Variants in VPS13B observed in about 807,000 individuals in gnomAD.
VPS13B encodes vacuolar protein sorting 13 homolog B, also known as intermembrane lipid transfer protein VPS13B.
In VPS13B, 285 loss-of-function variants were observed where a neutral mutation model predicts 426.4. The ratio of observed to expected loss-of-function variants is 0.67; its 90% CI spans 0.61 to 0.74. The LOEUF (loss-of-function observed/expected upper bound fraction) is 0.74, where lower values mean the gene tolerates loss of function less well. VPS13B is among the 30% of genes least tolerant of loss of function. VPS13B has a pLI of 0.00. For missense variants in VPS13B, 4,537 were observed against 4,782.6 expected, an observed-to-expected ratio of 0.95 and a Z score of 1.51; for synonymous variants, 1,676 against 1,676.4, an observed-to-expected ratio of 1.00 and a Z score of 0.01.
intron 3 of VPS13B, among the ~76,000 whole-genome samples, chr8:99,069,358 A>C (rs1406592668): frequency 6.6e-6 from 1 of 152,196 alleles, no homozygotes; most frequent in Non-Finnish European, 1.5e-5. Context: ...GGATTGAGCC[A>C]GGAAGGTTGA....
intron 37 of VPS13B, among the ~76,000 whole-genome samples, chr8:99,717,644 C>T (rs1832975920): frequency 6.6e-6 from 1 of 152,054 alleles, no homozygotes; most frequent in African/African-American, 2.4e-5. Flanking sequence ...TTACCACCAA[C>T]AAAAAAACCC....
At chr8:99,550,497 CT>C in intron 30 of VPS13B, among the ~76,000 whole-genome samples, 1 of 151,082 alleles carries the variant, frequency 6.6e-6, no homozygotes, top group South Asian at 2.1e-4. Context: ...GTTATGTTTC[CT>C]TTTTTCTTGC....
chr8:99,585,366 G>T (rs1826252563), intron 33 of VPS13B, among the ~76,000 whole-genome samples: 1 of 152,024 alleles, frequency 6.6e-6, no homozygotes, highest in South Asian at 2.1e-4. Flanking sequence ...ATTTGAAGTG[G>T]CATTCAATAA....
rs200829327 is a variant in VPS13B at position 99,708,843 on chromosome 8, C to CTA, written c.6455-8327_6455-8326insAT. On this transcript the variant is annotated intron_variant, in intron 36 of 61. Transcript: ENST00000357162. ...TCTCTCTCTCTGTCTCTCTCTCTCT[C>CTA]TCTCTCTATATATATATATAGGCTC... Among the ~76,000 whole-genome samples the CTA allele has an allele frequency of 8.2e-3, 1,188 of 144,642 alleles. 8 individuals are homozygous for CTA. The highest frequency in any genetic ancestry group is 0.03 in the East Asian group (135 of 4,524). The allele number at this position is 144,642 out of a possible 152,430, so 94.9% of individuals were successfully genotyped here.
Position 99,560,683 on chromosome 8 carries a change from A to G in VPS13B, c.4949+4030A>G, listed in dbSNP as rs190838114. 7.2e-5 allele frequency among the ~76,000 whole-genome samples: 11 copies of G among 152,336 alleles called. No homozygotes were observed. The East Asian group carries it at 2.1e-3, about 29-fold the overall frequency. On this transcript the variant is annotated intron_variant, in intron 31 of 61. Transcript: ENST00000357162. ...ATGGAGTCATCAGCATGCAACTTGCATGGCAGCTGGGAAGTGAATATTTTC... is the reference window on the plus strand; with the variant it reads ...ATGGAGTCATCAGCATGCAACTTGCGTGGCAGCTGGGAAGTGAATATTTTC...
chr8:99,559,089 A>T (rs1035375687), intron 31 of VPS13B, among the ~76,000 whole-genome samples: 69 of 152,286 alleles, frequency 4.5e-4, no homozygotes, highest in African/African-American at 1.3e-3. Context: ...CTGACTTTTT[A>T]ATGATTGCCA....
intron 35 of VPS13B, among the ~76,000 whole-genome samples, chr8:99,683,313 A>G (rs973166284): frequency 3.3e-5 from 5 of 152,164 alleles, no homozygotes; most frequent in Admixed American, 6.5e-5. Flanking sequence ...CTTTCTCAAA[A>G]ATGTTTTGGT....
chr8:99,137,403 A>G (rs1343705834), intron 12 of VPS13B, among the ~76,000 whole-genome samples: 1 of 152,092 alleles, frequency 6.6e-6, no homozygotes, highest in Non-Finnish European at 1.5e-5. Context: ...TATGTTAGGT[A>G]CAGATGAATG....
chr8:99,756,398 G>A (rs1272816360), intron 39 of VPS13B, among the ~76,000 whole-genome samples: 1 of 152,158 alleles, frequency 6.6e-6, no homozygotes, highest in South Asian at 2.1e-4. Flanking sequence ...ATGCATAGGG[G>A]AAGTCCCAGG....
chr8:99,043,536 C>A (rs753966229), intron 3 of VPS13B, among the ~76,000 whole-genome samples: 1 of 152,234 alleles, frequency 6.6e-6, no homozygotes, highest in East Asian at 1.9e-4. Flanking sequence ...GACCATTACT[C>A]TTCTACACAC....
intron 3 of VPS13B, among the ~76,000 whole-genome samples, chr8:99,044,933 G>A (rs1331018830): frequency 6.8e-6 from 1 of 147,648 alleles, no homozygotes; most frequent in Admixed American, 6.8e-5. Flanking sequence ...TTATCCGCTC[G>A]TCGATTGACA....
chr8:99,186,633 G>A (rs1813235741), intron 16 of VPS13B, among the ~76,000 whole-genome samples: 1 of 152,066 alleles, frequency 6.6e-6, no homozygotes, highest in Non-Finnish European at 1.5e-5. Context: ...ATTTATTTAT[G>A]TCAGTTTAAA....
intron 1 of VPS13B, 79 bp from the exon 2 acceptor site, chr8:99,013,681 C>G: frequency 1.4e-6 from 2 of 1,398,950 alleles, no homozygotes; most frequent in South Asian, 1.2e-5. Context: ...TGGGGACTTA[C>G]TGCTTTCGGC....
chr8:99,482,798 G>C (rs895208756), intron 25 of VPS13B, among the ~76,000 whole-genome samples: 7 of 152,068 alleles, frequency 4.6e-5, no homozygotes, highest in African/African-American at 1.7e-4. Flanking sequence ...GTATGAGACA[G>C]TCTTCATTTT....
chr8:99,588,245 G>A (rs1419861274), intron 33 of VPS13B, among the ~76,000 whole-genome samples: 1 of 151,706 alleles, frequency 6.6e-6, no homozygotes, highest in Non-Finnish European at 1.5e-5. Context: ...TTGAAGTCAG[G>A]TAGCACGATG....
intron 2 of VPS13B, among the ~76,000 whole-genome samples, chr8:99,024,234 A>G (rs1277096019): frequency 6.6e-6 from 1 of 152,162 alleles, no homozygotes; most frequent in African/African-American, 2.4e-5. Context: ...GCAATTGCCT[A>G]TTTTAAAATT....
intron 19 of VPS13B, among the ~76,000 whole-genome samples, chr8:99,376,494 A>T (rs1334563247): frequency 3.3e-5 from 5 of 152,188 alleles, no homozygotes; most frequent in African/African-American, 1.2e-4. Context: ...TATAACTTAC[A>T]TAGGTTGGTG....
intron 19 of VPS13B, among the ~76,000 whole-genome samples, chr8:99,312,627 GAAT>G (rs1191696775): frequency 6.6e-6 from 1 of 152,264 alleles, no homozygotes; most frequent in East Asian, 1.9e-4. Context: ...CAACTTTGGT[GAAT>G]CTGACAATTA....
chr8:99,593,438 C>T (rs77532496), intron 33 of VPS13B, among the ~76,000 whole-genome samples: 146 of 151,934 alleles, frequency 9.6e-4, no homozygotes, highest in East Asian at 4.7e-3. Flanking sequence ...TGGAGAAAAA[C>T]GGAATGCTTT....
Sources: allele counts gnomAD v4.1 joint callset (sites outside exome capture counted in the v4.1 genomes callset), GRCh38; gene constraint gnomAD v4.1.1; transcripts MANE v1.5; gene names NCBI Gene and HGNC (gene_info 2026-07-23, HGNC 2026-07-21).